The following ASTN2 variants were observed in gnomAD, a reference collection of about 807,000 sequenced individuals.
The protein encoded by ASTN2 is astrotactin 2, also known as astrotactin-2.
In ASTN2, 54 loss-of-function variants were observed where a neutral mutation model predicts 139.8. The ratio of observed to expected loss-of-function variants is 0.39; its 90% confidence interval spans 0.31 to 0.48. ASTN2 has a LOEUF of 0.48. Ranked by LOEUF, ASTN2 falls within the 20% of genes least tolerant of loss-of-function variation. The probability of loss-of-function intolerance (pLI) is 0.95; values close to 1 mark genes in which losing one functional copy is unlikely to be tolerated. For synonymous variants in ASTN2, 756 were observed against 719.5 expected, an observed-to-expected ratio of 1.05 and a Z score of -0.81; for missense variants, 1,565 against 1,725.1, an observed-to-expected ratio of 0.91 and a Z score of 1.64.
At chr9:117,370,006 G>A (rs1282364510) in intron 1 of ASTN2, among the ~76,000 whole-genome samples, 1 of 152,076 alleles carries the variant, frequency 6.6e-6, no homozygotes, top group Admixed American at 6.6e-5. Context: ...CGATGAGCGG[G>A]AAGCTACAGG....
intron 4 of ASTN2, among the ~76,000 whole-genome samples, chr9:117,125,928 C>T (rs1049030337): frequency 6.6e-6 from 1 of 152,058 alleles, no homozygotes; most frequent in Non-Finnish European, 1.5e-5. Flanking sequence ...ATCATTTAAC[C>T]TTAATGTTTA....
rs1248222218 is a variant in ASTN2, at chr9:116,560,524, T to TA, written c.3355+57799dup. Among the ~76,000 whole-genome samples the TA allele has an allele frequency of 3.9e-5, 6 of 152,122 alleles. No individual in the cohort carries two copies. The East Asian group carries it at 1.2e-3, about 29-fold the overall frequency. ...CTCCTCCCTTCATAGTAACCTTCAA[T>TA]AAGTTTGTCTATCAGTCCATCATTC... On this transcript the variant is annotated intron_variant, in intron 19 of 22. Transcript: ENST00000313400.
intron 11 of ASTN2, among the ~76,000 whole-genome samples, chr9:116,847,162 C>G (rs1832464252): frequency 6.6e-6 from 1 of 152,190 alleles, no homozygotes; most frequent in Non-Finnish European, 1.5e-5. Context: ...TGTCACCAGA[C>G]TGGAGTGCAG....
At chr9:116,901,476 T>C (rs1309229191) in intron 10 of ASTN2, among the ~76,000 whole-genome samples, 2 of 152,200 alleles carry the variant, frequency 1.3e-5, no homozygotes, top group Non-Finnish European at 1.5e-5. Context: ...GAGATCATAA[T>C]GGAGCTGAAA....
chr9:116,562,256 C>G (rs576739665), intron 19 of ASTN2: 1 of 152,316 alleles, frequency 6.6e-6, no homozygotes, highest in African/African-American at 2.4e-5. Context: ...ATTAAAGTTT[C>G]TGTAAAGTCA....
chr9:116,801,735 A>G (rs36105701), intron 13 of ASTN2, among the ~76,000 whole-genome samples: 27,986 of 152,016 alleles, frequency 0.18, 3,096 homozygotes, highest in South Asian at 0.26. Context: ...AAGAGGATAC[A>G]TGGTCTGGAG....
intron 16 of ASTN2, among the ~76,000 whole-genome samples, chr9:116,681,682 G>A (rs1246042625): frequency 2.0e-5 from 3 of 152,110 alleles, no homozygotes; most frequent in African/African-American, 7.2e-5. Flanking sequence ...CAGAGATATA[G>A]ATCAATGGAA....
Position 116,426,041 on chromosome 9 carries a change from C to A in ASTN2, c.3830G>T (p.Cys1277Phe). ...LRRLERVSSH[C>F]SSLLRSAYIQ... ...GTAGGCACTCCGCAGGAGGCTGGAG[C>A]AGTGGCTACTCACCCTCTCCAGTCG... The change falls in exon 23 of 23, where the codon TGC (cysteine) becomes TTC (phenylalanine). Residue 1277 changes from cysteine to phenylalanine, a missense_variant. This residue lies in a region of ASTN2 where 418 missense variants were observed against 465.8 expected (regional missense o/e 0.90). Transcript: ENST00000313400. 1.9e-6 allele frequency: 3 copies of A among 1,613,954 alleles called. No homozygotes were observed. The highest frequency in any genetic ancestry group is 2.5e-6 in the Non-Finnish European group (3 of 1,180,014).
intron 13 of ASTN2, among the ~76,000 whole-genome samples, chr9:116,781,698 AT>A (rs1172544736): frequency 6.6e-6 from 1 of 152,088 alleles, no homozygotes; most frequent in Non-Finnish European, 1.5e-5. Flanking sequence ...ATTTCTTCTG[AT>A]TCCTCCATGG....
intron 4 of ASTN2, among the ~76,000 whole-genome samples, chr9:117,111,431 T>A (rs946674851): frequency 7.4e-4 from 51 of 69,032 alleles, no homozygotes; most frequent in Non-Finnish European, 1.1e-3. Context: ...TGAATATGTA[T>A]AAAATAAAAA....
chr9:116,535,404 A>G (rs935266756), intron 19 of ASTN2, among the ~76,000 whole-genome samples: 18 of 152,130 alleles, frequency 1.2e-4, no homozygotes, highest in Admixed American at 6.5e-5. Context: ...TCCTGTCATT[A>G]TGATGTTAGC....
intron 19 of ASTN2, among the ~76,000 whole-genome samples, chr9:116,540,968 T>G (rs150030902): frequency 1.3e-5 from 2 of 151,766 alleles, no homozygotes; most frequent in East Asian, 3.9e-4. Context: ...TCCCCTAGTT[T>G]TGAAACTAGG....
intron 10 of ASTN2, among the ~76,000 whole-genome samples, chr9:116,967,872 C>T (rs1471865246): frequency 6.6e-6 from 1 of 152,158 alleles, no homozygotes; most frequent in East Asian, 1.9e-4. Flanking sequence ...GCCATCAATG[C>T]ACAATGTGAT....
At chr9:116,623,584 C>T (rs992839885) in intron 17 of ASTN2, among the ~76,000 whole-genome samples, 2 of 152,182 alleles carry the variant, frequency 1.3e-5, no homozygotes, top group East Asian at 1.9e-4. Context: ...CTTCACAGGA[C>T]TCTGTAAATC....
At chr9:117,350,475 G>A (rs182983497) in intron 1 of ASTN2, among the ~76,000 whole-genome samples, 126 of 151,860 alleles carry the variant, frequency 8.3e-4, no homozygotes, top group Non-Finnish European at 1.5e-3. Flanking sequence ...GCTTGAAGCT[G>A]ATAGGGGGGT....
chr9:116,556,451 C>A (rs1040222182), intron 19 of ASTN2, among the ~76,000 whole-genome samples: 2 of 152,164 alleles, frequency 1.3e-5, no homozygotes, highest in Admixed American at 1.3e-4. Context: ...CACAGCCAGA[C>A]TCCACTTAAT....
chr9:116,438,881 C>T (rs546047553), intron 22 of ASTN2, among the ~76,000 whole-genome samples: 94 of 152,034 alleles, frequency 6.2e-4, no homozygotes, highest in Non-Finnish European at 2.6e-4. Context: ...ACTCACGAGG[C>T]GGAGGTTGCA....
chr9:116,658,006 T>C (rs1184413552), intron 16 of ASTN2, among the ~76,000 whole-genome samples: 6 of 151,868 alleles, frequency 4.0e-5, no homozygotes, highest in Non-Finnish European at 8.8e-5. Context: ...TCCCTCAGCC[T>C]CCTGAGTAGT....
At chr9:116,886,014 A>G (rs985372253) in intron 10 of ASTN2, among the ~76,000 whole-genome samples, 2 of 152,194 alleles carry the variant, frequency 1.3e-5, no homozygotes, top group African/African-American at 4.8e-5. Context: ...TTTCTGTGCT[A>G]CTATTTAGAG....
Sources: gnomAD v4.1 joint callset for allele counts (sites outside exome capture counted in the v4.1 genomes callset) on GRCh38, gnomAD v4.1.1 for gene constraint, gnomAD v4.1.1 regional missense constraint, MANE v1.5 for transcripts, NCBI Gene and HGNC (gene_info 2026-07-23, HGNC 2026-07-21) for gene names.